The following RDH13 variants were observed in gnomAD, a reference collection of about 807,000 sequenced individuals.
RDH13 encodes the protein retinol dehydrogenase 13 (all-trans and 9-cis).
In RDH13, 35 loss-of-function variants were observed where a neutral mutation model predicts 28.3. That is an observed-to-expected ratio of 1.24 (90% CI 0.95 to 1.64). RDH13 has a LOEUF of 1.64. Ranked by LOEUF, RDH13 falls within the 40% of genes most tolerant of loss-of-function variation. The pLI is 0.00. For synonymous variants in RDH13, 229 were observed against 198.5 expected (o/e 1.15, Z -1.29); for missense variants, 514 against 446.3 (o/e 1.15, Z -1.37).
In RDH13 at chr19:55,063,061, A is replaced by AGGCGTCAGGCGTCC. The variant is rs56128826; in HGVS notation, c.-30_-29insGGACGCCTGACGCC. 158,246 of 1,307,396 alleles carry AGGCGTCAGGCGTCC rather than the reference A, an allele frequency of 0.12. 13,602 individuals carry two copies. Among genetic ancestry groups the AGGCGTCAGGCGTCC allele is most frequent in the East Asian group, 0.55 (17,784 of 32,294 alleles). 81.0% of individuals were successfully genotyped at this position (1,307,396 alleles called of 1,614,324 possible). On this transcript the variant is annotated 5_prime_UTR_variant, in exon 1 of 7. Coordinates refer to ENST00000415061, the MANE Select transcript of RDH13 (RefSeq NM_001145971.2). ...GGGCCGGGGACAGGCGTCAGGCGTC[A>AGGCGTCAGGCGTCC]GGGGTCGGCGCGGAGCTTGCTGCAC...
chr19:55,043,196 G>GT (rs1188096183), downstream of RDH13: 3 of 152,362 alleles, frequency 2.0e-5, no homozygotes, highest in African/African-American at 7.2e-5. Flanking sequence ...GAGCCCAGGA[G>GT]TTTGAGACCA....
chr19:55,046,816 G>C (rs1380634218), intron 6 of RDH13: 1 of 153,050 alleles, frequency 6.5e-6, no homozygotes, highest in African/African-American at 2.4e-5. Context: ...GCTTGAACCT[G>C]GGAGGTGGAA....
chr19:55,053,365 C>T (rs1299577166), intron 3 of RDH13, among the ~76,000 whole-genome samples: 2 of 152,254 alleles, frequency 1.3e-5, no homozygotes, highest in Non-Finnish European at 1.5e-5. Flanking sequence ...TTACTTAATC[C>T]TCTAGAGAGG....
At chr19:55,049,174 A>G (rs756495852) in intron 3 of RDH13, among the ~76,000 whole-genome samples, 1 of 152,120 alleles carries the variant, frequency 6.6e-6, no homozygotes, top group Non-Finnish European at 1.5e-5. Context: ...CTGAGGGTGT[A>G]AGCCACTGGG....
intron 3 of RDH13, among the ~76,000 whole-genome samples, chr19:55,054,971 CAATA>C (rs753026293): frequency 1.8e-3 from 274 of 152,086 alleles, no homozygotes; most frequent in Non-Finnish European, 3.3e-3. Flanking sequence ...GTCAACTAAA[CAATA>C]AATAATTTTA....
Position 55,048,696 on chromosome 19 carries a change from C to CTCGGTGGT in RDH13, c.400_407dup (p.Asp137ProfsTer20). On this transcript the variant is annotated frameshift_variant, in exon 4 of 7. Coordinates refer to ENST00000415061, the MANE Select transcript of RDH13 (RefSeq NM_001145971.2). LOFTEE classifies it high-confidence loss of function. ...CGCCAAACTGCATCTCGAAGCCGTCCTCGGTGGTCCAGTGGGGGCACCGCA... is the reference window on the plus strand; with the variant it reads ...CGCCAAACTGCATCTCGAAGCCGTCCTCGGTGGTTCGGTGGTCCAGTGGGGGCACCGCA... 2 of 1,614,056 alleles carry CTCGGTGGT rather than the reference C, an allele frequency of 1.2e-6. No homozygotes were observed. The highest frequency in any genetic ancestry group is 8.5e-7 in the Non-Finnish European group (1 of 1,180,008).
Position 55,045,094 on chromosome 19 carries a change from C to G in RDH13, c.976G>C (p.Glu326Gln), listed in dbSNP as rs756405773. Residue 326 changes from glutamate (E) to glutamine (Q), a missense_variant, in exon 7 of 7, where the codon GAG (glutamate) becomes CAG (glutamine). Transcript: ENST00000415061. Reference protein sequence around the residue: ...LVGLEAPSVREQPLPR With the variant: ...LVGLEAPSVRQQPLPR Reference sequence around the variant, plus strand: ...AGAGGTTATCTGGGGAGGGGCTGCTCCCTCACAGAGGGAGCCTCTAAGCCC... The same window carrying G: ...AGAGGTTATCTGGGGAGGGGCTGCTGCCTCACAGAGGGAGCCTCTAAGCCC... 1.5e-5 allele frequency: 24 copies of G among 1,607,666 alleles called. No homozygotes were observed. Among genetic ancestry groups the G allele is most frequent in the Non-Finnish European group, 1.5e-5 (18 of 1,177,402 alleles).
At position 55,048,699 on chromosome 19, in the gene RDH13, G is replaced by A. The variant is rs149051573; in HGVS notation, c.405C>T (p.Thr135=). Residue 135 remains threonine (T), a synonymous_variant, in exon 4 of 7, where the codon ACC becomes ACT. Coordinates refer to ENST00000415061, the MANE Select transcript of RDH13 (RefSeq NM_001145971.2). ...AGVMRCPHWT[T]EDGFEMQFGV... is the part of the protein sequence containing the mutation. ...CAAACTGCATCTCGAAGCCGTCCTC[G>A]GTGGTCCAGTGGGGGCACCGCATCA... is the stretch of plus-strand genomic sequence containing the variant. The A allele has an allele frequency of 1.3e-4, 217 of 1,613,970 alleles. No individual in the cohort carries two copies. The East Asian group carries it at 2.8e-3, about 21-fold the overall frequency.
upstream of RDH13, chr19:55,063,410 C>G (rs888799032): frequency 3.9e-6 from 1 of 257,608 alleles, no homozygotes; most frequent in Non-Finnish European, 7.4e-6. Flanking sequence ...ACTGTCAATT[C>G]CAGACTGTGA....
At chr19:55,051,292 G>A (rs1409306326) in intron 3 of RDH13, among the ~76,000 whole-genome samples, 14 of 152,216 alleles carry the variant, frequency 9.2e-5, no homozygotes, top group Non-Finnish European at 1.6e-4. Context: ...CAGGGCCCAC[G>A]TGCGGAGACC....
At chr19:55,056,366 G>A (rs1271050020) in intron 3 of RDH13, among the ~76,000 whole-genome samples, 5 of 152,098 alleles carry the variant, frequency 3.3e-5, no homozygotes, top group African/African-American at 1.2e-4. Context: ...AGGAGGCTGA[G>A]GTCCGCGCTT....
chr19:55,059,648 C>T (rs946811482), intron 1 of RDH13, among the ~76,000 whole-genome samples: 10 of 151,974 alleles, frequency 6.6e-5, no homozygotes, highest in Non-Finnish European at 1.3e-4. Context: ...GCAAACATGG[C>T]GAGACCCCGT....
chr19:55,062,929 C>A (rs2075850352), intron 1 of RDH13, 39 bp downstream of exon 1: 2 of 1,413,128 alleles, frequency 1.4e-6, no homozygotes, highest in Admixed American at 6.3e-5. Flanking sequence ...GCGCTGGGGG[C>A]CCGCCTTGAC....
At chr19:55,047,341 G>A (rs1221746543) in intron 6 of RDH13, 46 bp downstream of exon 6, 1 of 1,592,942 alleles carries the variant, frequency 6.3e-7, no homozygotes, top group South Asian at 1.1e-5. Context: ...GAGAAAGCAG[G>A]GGTGGAGGGC....
chr19:55,060,587 C>T (rs2023226191), intron 1 of RDH13, among the ~76,000 whole-genome samples: 1 of 152,180 alleles, frequency 6.6e-6, no homozygotes, highest in Admixed American at 6.5e-5. Context: ...TCCCCTGGGC[C>T]CACTGTTGTT....
chr19:55,044,649 A>C lies in RDH13; in HGVS notation c.*425T>G. On this transcript the variant is annotated 3_prime_UTR_variant, in exon 7 of 7. Coordinates refer to ENST00000415061, the MANE Select transcript of RDH13 (RefSeq NM_001145971.2). ...CTGAAGAAACCAAGGCTCAGAGAGGACCATGCATGCACAAGGTCCCACAGG... is the reference window on the plus strand; with the variant it reads ...CTGAAGAAACCAAGGCTCAGAGAGGCCCATGCATGCACAAGGTCCCACAGG... 5.5e-6 allele frequency: 1 copy of C among 183,052 alleles called. No individual in the cohort carries two copies. Among genetic ancestry groups the C allele is most frequent in the Non-Finnish European group, 1.1e-5 (1 of 89,046 alleles). The allele number at this position is 183,052 out of a possible 1,614,324, so 11.3% of individuals were successfully genotyped here.
intron 3 of RDH13, among the ~76,000 whole-genome samples, chr19:55,055,309 C>T (rs960192488): frequency 3.6e-4 from 54 of 152,030 alleles, no homozygotes; most frequent in African/African-American, 1.2e-3. Context: ...TGCACCACCA[C>T]GCCTGGCTAA....
chr19:55,055,675 A>AAAAAC (rs1033024978), intron 3 of RDH13, among the ~76,000 whole-genome samples: 2 of 151,026 alleles, frequency 1.3e-5, no homozygotes, highest in African/African-American at 4.9e-5. Flanking sequence ...CCCCAGCTCT[A>AAAAAC]AAAACAAAAC....
intron 3 of RDH13, among the ~76,000 whole-genome samples, chr19:55,052,567 A>C (rs1464428054): frequency 1.5e-4 from 22 of 148,740 alleles, no homozygotes; most frequent in Admixed American, 9.4e-4. Flanking sequence ...AAAATCCCTC[A>C]CTGCAGCCTC....
Sources: gnomAD v4.1 joint callset for allele counts (sites outside exome capture counted in the v4.1 genomes callset) on GRCh38, gnomAD v4.1.1 for gene constraint, MANE v1.5 for transcripts, NCBI Gene and HGNC (gene_info 2026-07-23, HGNC 2026-07-21) for gene names.